Variants in RFX7 observed in about 807,000 individuals in gnomAD.
RFX7 encodes the protein regulatory factor X7.
Under a neutral mutation model 111.8 loss-of-function variants are expected in RFX7, and 26 were observed. The ratio of observed to expected loss-of-function variants is 0.23; its 90% CI spans 0.17 to 0.32. The LOEUF (loss-of-function observed/expected upper bound fraction) is 0.32. RFX7 is among the 10% of genes least tolerant of loss of function. The pLI is 1.00. For synonymous variants in RFX7, 624 were observed against 624.4 expected, an observed-to-expected ratio of 1.00 and a Z score of 0.01; for missense variants, 1,573 against 1,772.9, an observed-to-expected ratio of 0.89 and a Z score of 2.02.
chr15:56,155,447 A>G (rs2141064851), intron 3 of RFX7, among the ~76,000 whole-genome samples: 1 of 152,360 alleles, frequency 6.6e-6, no homozygotes, highest in East Asian at 1.9e-4. Flanking sequence ...AAAAAGGATG[A>G]GTTCATGTCC....
At position 56,243,303 on chromosome 15, in the gene RFX7, A is replaced by T. The variant is rs1391945460; in HGVS notation, c.-2-16T>A. ...TCTGCCATCGCTGCAGAGGGGTGGGAGGGAGGGAGGGAAAGATGGGGGCGC... is the reference window on the plus strand; with the variant it reads ...TCTGCCATCGCTGCAGAGGGGTGGGTGGGAGGGAGGGAAAGATGGGGGCGC... On this transcript the variant is annotated splice_polypyrimidine_tract_variant and intron_variant, in intron 1 of 9. Coordinates refer to ENST00000559447, the MANE Select transcript of RFX7 (RefSeq NM_022841.7). 2 of 65,096 alleles carry T rather than the reference A, an allele frequency of 3.1e-5. No individual in the cohort carries two copies. Among genetic ancestry groups the T allele is most frequent in the Non-Finnish European group, 6.1e-5 (2 of 32,686 alleles). 4.0% of individuals were successfully genotyped at this position (65,096 alleles called of 1,614,324 possible).
chr15:56,231,888 GCCCCATGCAAGT>G (rs2043562296), intron 2 of RFX7, among the ~76,000 whole-genome samples: 1 of 152,084 alleles, frequency 6.6e-6, no homozygotes, highest in African/African-American at 2.4e-5. Context: ...GGAGCTAAAG[GCCCCATGCAAGT>G]CCCAAATCCA....
At chr15:56,210,261 C>T (rs145647752) in intron 2 of RFX7, among the ~76,000 whole-genome samples, 35 of 152,060 alleles carry the variant, frequency 2.3e-4, no homozygotes, top group African/African-American at 7.5e-4. Flanking sequence ...TTCAAGAAGA[C>T]GTAACAATCC....
At chr15:56,101,705 G>T in intron 7 of RFX7, 139 bp from the exon 8 acceptor site, 1 of 761,348 alleles carries the variant, frequency 1.3e-6, no homozygotes. Flanking sequence ...CCCACTGGCA[G>T]ACATATAAGA....
intron 5 of RFX7, among the ~76,000 whole-genome samples, chr15:56,124,370 CGAGAT>C (rs2042115794): frequency 6.6e-6 from 1 of 150,836 alleles, no homozygotes; most frequent in Admixed American, 6.6e-5. Flanking sequence ...TGCAGTGAGC[CGAGAT>C]CGTGCCACTC....
At chr15:56,160,082 TA>T (rs1180739147) in intron 3 of RFX7, among the ~76,000 whole-genome samples, 2 of 152,156 alleles carry the variant, frequency 1.3e-5, no homozygotes, top group African/African-American at 4.8e-5. Context: ...TAAGCAAGGT[TA>T]AAAAAGTGGG....
chr15:56,243,063 A>ATTG, intron 2 of RFX7, 62 bp downstream of exon 2: 2 of 543,636 alleles, frequency 3.7e-6, no homozygotes, highest in Non-Finnish European at 6.1e-6. Context: ...GCCGCCCCCC[A>ATTG]CCCACTTTGC....
chr15:56,243,905 C>CG (rs1412200677), upstream of RFX7: 7 of 149,218 alleles, frequency 4.7e-5, no homozygotes, highest in Non-Finnish European at 1.1e-4. Flanking sequence ...GCAGACCGCA[C>CG]AACACCTACC....
chr15:56,233,433 A>G (rs2043589949), intron 2 of RFX7, among the ~76,000 whole-genome samples: 1 of 152,202 alleles, frequency 6.6e-6, no homozygotes, highest in Non-Finnish European at 1.5e-5. Flanking sequence ...TATGGGAGCT[A>G]CAATTCAAGA....
At chr15:56,234,271 G>C (rs1342952830) in intron 2 of RFX7, among the ~76,000 whole-genome samples, 1 of 152,218 alleles carries the variant, frequency 6.6e-6, no homozygotes, top group African/African-American at 2.4e-5. Context: ...AAAGTGGTAA[G>C]AATGTCTTAT....
intron 2 of RFX7, among the ~76,000 whole-genome samples, chr15:56,227,407 T>C (rs1208443534): frequency 6.6e-6 from 1 of 152,230 alleles, no homozygotes; most frequent in African/African-American, 2.4e-5. Context: ...TTTAACTTTT[T>C]ACTATTCATT....
At chr15:56,098,804 G>A (rs1005297923) in intron 8 of RFX7, among the ~76,000 whole-genome samples, 2 of 152,178 alleles carry the variant, frequency 1.3e-5, no homozygotes, top group South Asian at 4.1e-4. Flanking sequence ...TTTAGCCCAT[G>A]AGGGGCATTC....
upstream of RFX7, among the ~76,000 whole-genome samples, chr15:56,244,825 C>G (rs934240403): frequency 1.3e-5 from 2 of 151,820 alleles, no homozygotes; most frequent in South Asian, 2.1e-4. Flanking sequence ...CCATTCCCCC[C>G]CTTCCCATTC....
chr15:56,140,153 G>A (rs1215963241), intron 5 of RFX7, among the ~76,000 whole-genome samples: 1 of 152,242 alleles, frequency 6.6e-6, no homozygotes, highest in Non-Finnish European at 1.5e-5. Flanking sequence ...CCCAGTTGGA[G>A]CTTCCTGGCT....
intron 3 of RFX7, among the ~76,000 whole-genome samples, chr15:56,159,387 G>T (rs938876857): frequency 1.3e-5 from 2 of 152,154 alleles, no homozygotes; most frequent in Non-Finnish European, 2.9e-5. Flanking sequence ...TACCACAAGA[G>T]CAAGAGTCCT....
At position 56,233,489 on chromosome 15, in the gene RFX7, T is replaced by C. The variant is rs558126025; in HGVS notation, c.161+9636A>G. On this transcript the variant is annotated intron_variant, in intron 2 of 9. Coordinates refer to ENST00000559447, the MANE Select transcript of RFX7 (RefSeq NM_022841.7). ...AGCCAAACCATATCAGCAGTGGAAA[T>C]AGGAAGACAAGGAGAAATTTAAGCT... Among the ~76,000 whole-genome samples the C allele has an allele frequency of 3.4e-4, 51 of 152,008 alleles. 1 individual carries two copies. In the South Asian group the frequency reaches 9.2e-3, roughly 27 times the overall value.
At chr15:56,186,328 A>G (rs1179630188) in intron 2 of RFX7, among the ~76,000 whole-genome samples, 5 of 152,300 alleles carry the variant, frequency 3.3e-5, no homozygotes, top group African/African-American at 9.6e-5. Context: ...ATCAATCCCC[A>G]GCATTTAAGG....
At chr15:56,182,196 T>C (rs1436215103) in intron 2 of RFX7, among the ~76,000 whole-genome samples, 1 of 152,168 alleles carries the variant, frequency 6.6e-6, no homozygotes, top group African/African-American at 2.4e-5. Flanking sequence ...GCTTGAATCA[T>C]CCCCAAACCA....
At chr15:56,196,644 T>C (rs1472974988) in intron 2 of RFX7, among the ~76,000 whole-genome samples, 1 of 152,068 alleles carries the variant, frequency 6.6e-6, no homozygotes, top group African/African-American at 2.4e-5. Flanking sequence ...GAATCAACCC[T>C]GCTGGCACCT....
Sources: allele counts gnomAD v4.1 joint callset (sites outside exome capture counted in the v4.1 genomes callset), GRCh38; gene constraint gnomAD v4.1.1; transcripts MANE v1.5; gene names NCBI Gene and HGNC (gene_info 2026-07-23, HGNC 2026-07-21).